Variants in TECRL observed in about 807,000 individuals in gnomAD.
TECRL encodes trans-2,3-enoyl-CoA reductase-like.
Under a neutral mutation model 52.8 loss-of-function variants are expected in TECRL, and 63 were observed. The ratio of observed to expected loss-of-function variants is 1.19; its 90% CI spans 0.97 to 1.47. The LOEUF (loss-of-function observed/expected upper bound fraction) is 1.47. Among genes scored for constraint, TECRL ranks in the 40% most tolerant of loss-of-function variants. The pLI is 0.00. For synonymous variants in TECRL, 164 were observed against 141.9 expected (o/e 1.16, Z -1.10); for missense variants, 482 against 429.6 (o/e 1.12, Z -1.08).
chr4:64,357,576 A>G (rs10866145), intron 2 of TECRL, among the ~76,000 whole-genome samples: 134,050 of 151,326 alleles, frequency 0.89, 60,338 homozygotes, highest in East Asian at 1. Context: ...AAATTCATTA[A>G]CAATTATAAT....
In TECRL at chr4:64,395,392, CTAGATCAT is replaced by C. The variant is rs377506556; in HGVS notation, c.234+13718_234+13725del. Among the ~76,000 whole-genome samples the C allele has an allele frequency of 3.9e-3, 597 of 152,176 alleles. 2 individuals are homozygous for C. Among genetic ancestry groups the C allele is most frequent in the African/African-American group, 0.013 (559 of 41,512 alleles). On this transcript the variant is annotated intron_variant, in intron 1 of 11. Coordinates refer to ENST00000381210, the MANE Select transcript of TECRL (RefSeq NM_001010874.5). ...ATTTTATGAGGAAAGAAAGTTGTCA[CTAGATCAT>C]TAGATAAGTTTGAGCACAAAACTTT... is the stretch of plus-strand genomic sequence containing the variant.
In TECRL at chr4:64,409,373, C is replaced by T. The variant is rs757084852; in HGVS notation, c.-22G>A. 1.2e-6 allele frequency: 2 copies of T among 1,605,538 alleles called. No homozygotes were observed. Among genetic ancestry groups the T allele is most frequent in the Non-Finnish European group, 1.7e-6 (2 of 1,174,778 alleles). ...ACATTGTGTGAACTAAGAGGAGGGT[C>T]TGTCATGTCAAAAGTAGAAAATTGC... On this transcript the variant is annotated 5_prime_UTR_variant, in exon 1 of 12. Coordinates refer to ENST00000381210, the MANE Select transcript of TECRL (RefSeq NM_001010874.5).
chr4:64,395,357 T>C (rs1723869540), intron 1 of TECRL, among the ~76,000 whole-genome samples: 1 of 152,194 alleles, frequency 6.6e-6, no homozygotes, highest in Non-Finnish European at 1.5e-5. Flanking sequence ...TGCTCATTTA[T>C]TAAATGCTAA....
chr4:64,300,054 C>A, intron 7 of TECRL, 37 bp from the exon 8 acceptor site: 1 of 1,504,782 alleles, frequency 6.6e-7, no homozygotes, highest in South Asian at 1.3e-5. Context: ...TGCAGATACT[C>A]ATAGTTTGGA....
intron 2 of TECRL, among the ~76,000 whole-genome samples, chr4:64,356,399 G>A (rs201304763): frequency 6.6e-6 from 1 of 152,052 alleles, no homozygotes; most frequent in African/African-American, 2.4e-5. Context: ...TGAATGTCTC[G>A]GTATAAAACC....
In TECRL at chr4:64,369,361, C is replaced by T. The variant is rs550906385; in HGVS notation, c.286+5811G>A. Among the ~76,000 whole-genome samples, 6 of 152,150 alleles carry T rather than the reference C, an allele frequency of 3.9e-5. No individual in the cohort carries two copies. In the South Asian group the frequency reaches 1.2e-3, roughly 32 times the overall value. ...ATAATTTAGTAGTTTTTTTACACTG[C>T]CATATGACCTTAGACAGGGATTTCA... On this transcript the variant is annotated intron_variant, in intron 2 of 11. Transcript: ENST00000381210.
chr4:64,322,662 T>C, intron 4 of TECRL, 27 bp downstream of exon 4: 1 of 1,484,372 alleles, frequency 6.7e-7, no homozygotes, highest in Non-Finnish European at 9.3e-7. Flanking sequence ...ATGAGAAATG[T>C]ATATTACATT....
At chr4:64,324,595 T>C (rs572968799) in intron 3 of TECRL, among the ~76,000 whole-genome samples, 2 of 152,182 alleles carry the variant, frequency 1.3e-5, no homozygotes, top group Admixed American at 6.5e-5. Context: ...ACAAAAAATA[T>C]ACAATTATTG....
intron 6 of TECRL, among the ~76,000 whole-genome samples, chr4:64,308,618 A>G (rs920044510): frequency 2.0e-5 from 3 of 152,108 alleles, no homozygotes; most frequent in Non-Finnish European, 2.9e-5. Context: ...GAGAGCTTTT[A>G]TGTTGTTTAA....
chr4:64,403,112 T>G lies in TECRL; in HGVS notation c.234+6006A>C, dbSNP rs530285041. ...CTGGTACATTCTCCTTGTTTTCCCT[T>G]ATCATCTTCTCTTTATTTAAAACAC... is the stretch of plus-strand genomic sequence containing the variant. On this transcript the variant is annotated intron_variant, in intron 1 of 11. Transcript: ENST00000381210. 2.4e-3 allele frequency among the ~76,000 whole-genome samples: 365 copies of G among 152,052 alleles called. 4 individuals carry two copies. The highest frequency in any genetic ancestry group is 2.3e-3 in the Non-Finnish European group (156 of 67,972).
chr4:64,326,642 G>A (rs1331349808), intron 3 of TECRL, among the ~76,000 whole-genome samples: 1 of 152,132 alleles, frequency 6.6e-6, no homozygotes, highest in East Asian at 1.9e-4. Context: ...TTTCATGAAA[G>A]TTGTGGTTAT....
At chr4:64,404,154 T>C (rs117623309) in intron 1 of TECRL, among the ~76,000 whole-genome samples, 2 of 150,794 alleles carry the variant, frequency 1.3e-5, no homozygotes, top group African/African-American at 2.4e-5. Flanking sequence ...ATTAGAAGAA[T>C]TAGAGAATTA....
chr4:64,352,859 G>A (rs1720492941), intron 2 of TECRL, among the ~76,000 whole-genome samples: 1 of 152,100 alleles, frequency 6.6e-6, no homozygotes, highest in Non-Finnish European at 1.5e-5. Context: ...AGTATAACTT[G>A]TTTTGACAAC....
At chr4:64,338,257 C>T (rs1719267897) in intron 2 of TECRL, among the ~76,000 whole-genome samples, 1 of 152,142 alleles carries the variant, frequency 6.6e-6, no homozygotes, top group East Asian at 1.9e-4. Flanking sequence ...GGATCCCTTC[C>T]TTACACCTTA....
chr4:64,286,980 A>G (rs938393859), intron 9 of TECRL, among the ~76,000 whole-genome samples: 4 of 152,148 alleles, frequency 2.6e-5, no homozygotes. Context: ...TACTAAAAAA[A>G]TTTAGACCCT....
rs74869741 is a variant in TECRL, at chr4:64,343,812, G to T, written c.287-15256C>A. Among the ~76,000 whole-genome samples, 31 of 152,000 alleles carry T rather than the reference G, an allele frequency of 2.0e-4. No homozygotes were observed. The East Asian group carries it at 5.0e-3, about 25-fold the overall frequency. Reference sequence around the variant, plus strand: ...TTGCTGATACATCAGTTTGTCAAAAGATTAACCTCAATTACACACTTTAGA... The same window carrying T: ...TTGCTGATACATCAGTTTGTCAAAATATTAACCTCAATTACACACTTTAGA... On this transcript the variant is annotated intron_variant, in intron 2 of 11. Transcript: ENST00000381210.
At chr4:64,365,443 T>A (rs1194972901) in intron 2 of TECRL, among the ~76,000 whole-genome samples, 1 of 152,010 alleles carries the variant, frequency 6.6e-6, no homozygotes, top group Non-Finnish European at 1.5e-5. Flanking sequence ...AGTCAAACTA[T>A]CTCTCTTCAT....
intron 3 of TECRL, among the ~76,000 whole-genome samples, chr4:64,326,990 C>G (rs958142983): frequency 6.6e-6 from 1 of 152,028 alleles, no homozygotes; most frequent in African/African-American, 2.4e-5. Flanking sequence ...GATGGAGCAA[C>G]TAGCCTGTGC....
intron 4 of TECRL, among the ~76,000 whole-genome samples, chr4:64,320,890 C>G (rs1717853169): frequency 1.3e-5 from 2 of 152,042 alleles, no homozygotes; most frequent in East Asian, 3.8e-4. Context: ...ATGTGCTTCA[C>G]AAGAATTCAT....
Sources: gnomAD v4.1 joint callset for allele counts (sites outside exome capture counted in the v4.1 genomes callset) on GRCh38, gnomAD v4.1.1 for gene constraint, MANE v1.5 for transcripts, NCBI Gene and HGNC (gene_info 2026-07-23, HGNC 2026-07-21) for gene names.